The following PFKFB2 variants were observed in gnomAD, a reference collection of about 807,000 sequenced individuals.
PFKFB2 encodes 6-phosphofructo-2-kinase/fructose-2,6-bisphosphatase 2.
PFKFB2 carries 53 observed loss-of-function variants against 68.0 expected under a neutral mutation model. The observed-to-expected ratio is 0.78, with a 90% CI of 0.63 to 0.98. The LOEUF (loss-of-function observed/expected upper bound fraction) is 0.98. PFKFB2 is among the 50% of genes least tolerant of loss of function. The probability of loss-of-function intolerance (pLI) is 0.00; values close to 1 mark genes in which losing one functional copy is unlikely to be tolerated. For missense variants in PFKFB2, 451 were observed against 642.0 expected (o/e 0.70, Z 3.22); for synonymous variants, 222 against 227.6 (o/e 0.98, Z 0.22).
chr1:207,057,696 C>T (rs1171929235), intron 2 of PFKFB2, among the ~76,000 whole-genome samples: 1 of 152,130 alleles, frequency 6.6e-6, no homozygotes, highest in Non-Finnish European at 1.5e-5. Context: ...TTCTTTTAGA[C>T]ATCTTATTCT....
At position 207,077,734 on chromosome 1, in the gene PFKFB2, AGT is replaced by A. The variant is rs1390092811; in HGVS notation, c.*5367_*5368del. Reference sequence around the variant, plus strand: ...AAGTATGCCACTCAGATCCATTTAAAGTGTGCATAACTGTATTTGAAATGTGT... The same window carrying A: ...AAGTATGCCACTCAGATCCATTTAAAGTGCATAACTGTATTTGAAATGTGT... On this transcript the variant is annotated 3_prime_UTR_variant, in exon 15 of 15. Coordinates refer to ENST00000367080, the MANE Select transcript of PFKFB2 (RefSeq NM_006212.2). 1 of 985,126 alleles carries A rather than the reference AGT, an allele frequency of 1.0e-6. No individual in the cohort carries two copies. The highest frequency in any genetic ancestry group is 1.1e-4 in the East Asian group (1 of 8,830). The allele number at this position is 985,126 out of a possible 1,614,324, so 61.0% of individuals were successfully genotyped here.
chr1:207,047,429 A>AT (rs1682626611), intron 2 of PFKFB2: 2 of 152,718 alleles, frequency 1.3e-5, no homozygotes, highest in South Asian at 4.1e-4. Flanking sequence ...CTAAAAATAA[A>AT]TGTCAATTTT....
At chr1:207,035,674 C>CCAA (rs1553249030) in intron 1 of PFKFB2, among the ~76,000 whole-genome samples, 1 of 149,588 alleles carries the variant, frequency 6.7e-6, no homozygotes, top group African/African-American at 2.5e-5. Flanking sequence ...AACAAACAAA[C>CCAA]AAAAAAAACA....
Position 207,076,779 on chromosome 1 carries a change from T to C in PFKFB2, c.*4408T>C. Reference sequence around the variant, plus strand: ...CACTGACAGACTGTAGTAGTGTCTGTGTGCTGACTGATAGATAGACTATAG... The same window carrying C: ...CACTGACAGACTGTAGTAGTGTCTGCGTGCTGACTGATAGATAGACTATAG... On this transcript the variant is annotated 3_prime_UTR_variant, in exon 15 of 15. Transcript: ENST00000367080. 1.1e-5 allele frequency: 11 copies of C among 985,346 alleles called. No individual in the cohort carries two copies. Among genetic ancestry groups the C allele is most frequent in the Non-Finnish European group, 1.3e-5 (11 of 829,834 alleles). The allele number at this position is 985,346 out of a possible 1,614,324, so 61.0% of individuals were successfully genotyped here.
intron 4 of PFKFB2, among the ~76,000 whole-genome samples, 183 bp downstream of exon 4, chr1:207,062,899 C>A (rs887065277): frequency 6.6e-6 from 1 of 152,098 alleles, no homozygotes; most frequent in Non-Finnish European, 1.5e-5. Context: ...GTGATTGATA[C>A]CTGTGTGCTT....
At position 207,063,275 on chromosome 1, in the gene PFKFB2, C is replaced by T; in HGVS notation, c.375+66C>T. ...TTGCAGCAGCCTGGCTACCCAGCCC[C>T]ACCTTGAGTCTGCCCTGGTGGGGTT... On this transcript the variant is annotated intron_variant, in intron 5 of 14. Transcript: ENST00000367080. The surrounding 1 kb of genome is among the most constrained non-coding windows in gnomAD (Gnocchi z 4.1). 1 of 1,577,234 alleles carries T rather than the reference C, an allele frequency of 6.3e-7. No individual in the cohort carries two copies. Among genetic ancestry groups the T allele is most frequent in the South Asian group, 1.1e-5 (1 of 90,326 alleles).
chr1:207,041,841 TCCCA>T (rs1244349931), intron 1 of PFKFB2, among the ~76,000 whole-genome samples: 4 of 152,188 alleles, frequency 2.6e-5, no homozygotes, highest in African/African-American at 9.7e-5. Flanking sequence ...TAATTTACAC[TCCCA>T]CCAACAGTGT....
intron 8 of PFKFB2, among the ~76,000 whole-genome samples, chr1:207,065,458 C>T (rs1333666371): frequency 6.6e-6 from 1 of 152,062 alleles, no homozygotes; most frequent in African/African-American, 2.4e-5. Flanking sequence ...TCAGGTGATC[C>T]TCCCACCTCA....
chr1:207,048,923 G>T, upstream of PFKFB2: 1 of 1,105,952 alleles, frequency 9.0e-7, no homozygotes, highest in Non-Finnish European at 1.3e-6. Context: ...TTCAAGCATT[G>T]TATCCTTTGT....
intron 2 of PFKFB2, among the ~76,000 whole-genome samples, chr1:207,042,799 G>T (rs1457057620): frequency 2.0e-5 from 3 of 152,014 alleles, no homozygotes; most frequent in Non-Finnish European, 1.5e-5. Context: ...AATATTCAAC[G>T]TTAGGATTTT....
chr1:207,065,658 G>GT (rs1683265453), intron 8 of PFKFB2, among the ~76,000 whole-genome samples: 1 of 152,178 alleles, frequency 6.6e-6, no homozygotes, highest in Admixed American at 6.6e-5. Context: ...GGCTGGAAGT[G>GT]TTTTTTATCA....
chr1:207,072,866 T>A lies in PFKFB2; in HGVS notation c.*495T>A. The A allele has an allele frequency of 1.0e-6, 1 of 990,242 alleles. No homozygotes were observed. Among genetic ancestry groups the A allele is most frequent in the Non-Finnish European group, 1.2e-6 (1 of 833,192 alleles). 61.3% of individuals were successfully genotyped at this position (990,242 alleles called of 1,614,324 possible). ...ACTTGACTGCTTTCTTCCCCCACTT[T>A]CATGTCCCCTCTGGATTGTCCAGTG... is the stretch of plus-strand genomic sequence containing the variant. On this transcript the variant is annotated 3_prime_UTR_variant, in exon 15 of 15. Coordinates refer to ENST00000367080, the MANE Select transcript of PFKFB2 (RefSeq NM_006212.2).
At chr1:207,042,040 T>G (rs1373017849) in intron 1 of PFKFB2, 1 of 152,258 alleles carries the variant, frequency 6.6e-6, no homozygotes, top group Non-Finnish European at 1.5e-5. Context: ...CAACAATATC[T>G]ATCCTTTTTT....
chr1:207,049,167 T>C (rs752025616), upstream of PFKFB2: 15 of 1,613,984 alleles, frequency 9.3e-6, no homozygotes, highest in Admixed American at 2.0e-4. Context: ...CTTCATCTGC[T>C]AATTCCAGTG....
chr1:207,079,049 A>G (rs763920578), downstream of PFKFB2: 1 of 1,577,370 alleles, frequency 6.3e-7, no homozygotes, highest in Non-Finnish European at 8.7e-7. Flanking sequence ...TCACCTCTCC[A>G]AACGACTGGG....
Position 207,076,252 on chromosome 1 carries a change from CTTTTTTTTTT to C in PFKFB2, c.*3888_*3897del. 2.3e-6 allele frequency: 2 copies of C among 870,304 alleles called. No homozygotes were observed. Among genetic ancestry groups the C allele is most frequent in the African/African-American group, 2.1e-5 (1 of 48,702 alleles). 53.9% of individuals were successfully genotyped at this position (870,304 alleles called of 1,614,324 possible). ...AATTCATCTATGTTACTTTTTTTTT[CTTTTTTTTTT>C]TTTTTTATGAGCAGGAGATCTTAAT... On this transcript the variant is annotated 3_prime_UTR_variant, in exon 15 of 15. Coordinates refer to ENST00000367080, the MANE Select transcript of PFKFB2 (RefSeq NM_006212.2).
At chr1:207,050,026 A>G (rs1397908682), upstream of PFKFB2, among the ~76,000 whole-genome samples, 1 of 152,200 alleles carries the variant, frequency 6.6e-6, no homozygotes, top group Non-Finnish European at 1.5e-5. Context: ...TTCCTTATAC[A>G]GTATTTTACA....
chr1:207,067,673 G>T lies in PFKFB2; in HGVS notation c.807G>T (p.Gly269=), dbSNP rs1045625758. 1 of 1,613,932 alleles carries T rather than the reference G, an allele frequency of 6.2e-7. No homozygotes were observed. The highest frequency in any genetic ancestry group is 8.5e-7 in the Non-Finnish European group (1 of 1,180,006). Residue 269 remains glycine (G), a synonymous_variant, in exon 9 of 15, where the codon GGG becomes GGT. Coordinates refer to ENST00000367080, the MANE Select transcript of PFKFB2 (RefSeq NM_006212.2). ...AGTTCAATCTCTTGGGGAAGATTGG[G>T]GGTGACTCTGGCCTCTCGGTGCGGG... is the stretch of plus-strand genomic sequence containing the variant. ...ESEFNLLGKI[G]GDSGLSVRGK...
intron 2 of PFKFB2, among the ~76,000 whole-genome samples, chr1:207,057,177 G>T (rs527704101): frequency 6.6e-6 from 1 of 152,084 alleles, no homozygotes; most frequent in African/African-American, 2.4e-5. Context: ...GCCGGGTGTG[G>T]TGGCTCACGC....
Sources: gnomAD v4.1 joint callset for allele counts (sites outside exome capture counted in the v4.1 genomes callset) on GRCh38, gnomAD v4.1.1 for gene constraint, Gnocchi (gnomAD v3.1) non-coding constraint, MANE v1.5 for transcripts, NCBI Gene and HGNC (gene_info 2026-07-23, HGNC 2026-07-21) for gene names.